The following MYT1L variants were observed in gnomAD, a reference collection of about 807,000 sequenced individuals.
The protein encoded by MYT1L is myelin transcription factor 1 like, also known as myelin transcription factor 1-like protein.
MYT1L carries 12 observed loss-of-function variants against 126.7 expected under a neutral mutation model. The ratio of observed to expected loss-of-function variants is 0.09; its 90% CI spans 0.06 to 0.15. The LOEUF is 0.15. Among genes scored for constraint, MYT1L ranks in the 10% least tolerant of loss-of-function variants. The probability of loss-of-function intolerance (pLI) is 1.00; values close to 1 mark genes in which losing one functional copy is unlikely to be tolerated. For missense variants in MYT1L, 979 were observed against 1,585.2 expected (o/e 0.62, Z 6.49); for synonymous variants, 541 against 604.2 (o/e 0.90, Z 1.53).
chr2:2,137,039 C>A (rs1471189966), intron 3 of MYT1L, among the ~76,000 whole-genome samples: 3 of 151,986 alleles, frequency 2.0e-5, no homozygotes, highest in Admixed American at 6.6e-5. Context: ...TTCTTATACA[C>A]CAATAACAGA....
Position 1,923,047 on chromosome 2 carries a change from T to C in MYT1L, c.722A>G (p.Glu241Gly), listed in dbSNP as rs1302372013. The change falls in exon 10 of 25, where the codon GAA becomes GGA. Residue 241 changes from glutamate (E) to glycine (G), a missense_variant. Coordinates refer to ENST00000647738, the MANE Select transcript of MYT1L (RefSeq NM_001303052.2). The part of the protein sequence containing the change: ...NSLEDDSDKN[E>G]NLGRKSELSL... ...CAACTCACTTTTCCGACCCAGGTTT[T>C]CGTTTTTGTCACTATCGTCTTCCAG... 6.2e-7 allele frequency: 1 copy of C among 1,614,028 alleles called. No homozygotes were observed. Among genetic ancestry groups the C allele is most frequent in the East Asian group, 2.2e-5 (1 of 44,870 alleles).
intron 14 of MYT1L, among the ~76,000 whole-genome samples, chr2:1,896,404 C>T (rs1441384757): frequency 6.6e-6 from 1 of 152,176 alleles, no homozygotes; most frequent in African/African-American, 2.4e-5. Flanking sequence ...TCACCATGCT[C>T]TTCACAATAG....
At chr2:1,888,191 C>T (rs1239737715) in intron 16 of MYT1L, among the ~76,000 whole-genome samples, 1 of 152,042 alleles carries the variant, frequency 6.6e-6, no homozygotes, top group Non-Finnish European at 1.5e-5. Context: ...AGTGTAGATA[C>T]ATGGGAAGGT....
In MYT1L at chr2:1,840,805, C is replaced by G; in HGVS notation, c.2813G>C (p.Arg938Thr). ...TTTATCTTCTTTGCTCTGTGCTATCCTGATACCACTTTTCTTTGCTCTTGG... is the reference window on the plus strand; with the variant it reads ...TTTATCTTCTTTGCTCTGTGCTATCGTGATACCACTTTTCTTTGCTCTTGG... ...GCPRAKKSGI[R>T]IAQSKEDKED... Residue 938 changes from arginine (R) to threonine (T), a missense_variant, in exon 20 of 25, where the codon AGG becomes ACG. Transcript: ENST00000647738. The G allele has an allele frequency of 6.4e-7, 1 of 1,551,102 alleles. No individual in the cohort carries two copies. Among genetic ancestry groups the G allele is most frequent in the Non-Finnish European group, 8.7e-7 (1 of 1,146,978 alleles).
intron 21 of MYT1L, among the ~76,000 whole-genome samples, chr2:1,834,511 G>A (rs1178545893): frequency 1.3e-5 from 2 of 152,172 alleles, no homozygotes; most frequent in Non-Finnish European, 2.9e-5. Flanking sequence ...AGTCTCAAAA[G>A]GGAAGGAAGC....
rs924365499 is a variant in MYT1L at position 1,793,803 on chromosome 2, G to C, written c.3277-1339C>G. ...GACCTTCTCATTCGTGTTCTTTGGG[G>C]TTATTTATCAAATTAATGTTCCCCT... On this transcript the variant is annotated intron_variant, in intron 23 of 24. Transcript: ENST00000647738. The surrounding 1 kb of genome is among the most constrained non-coding windows in gnomAD (Gnocchi z 4.6). Among the ~76,000 whole-genome samples, 3 of 152,124 alleles carry C rather than the reference G, an allele frequency of 2.0e-5. No individual in the cohort carries two copies. Among genetic ancestry groups the C allele is most frequent in the African/African-American group, 4.8e-5 (2 of 41,420 alleles).
intron 3 of MYT1L, among the ~76,000 whole-genome samples, chr2:2,086,998 A>G (rs2076420991): frequency 6.6e-6 from 1 of 152,116 alleles, no homozygotes; most frequent in African/African-American, 2.4e-5. Context: ...GTCTTAGGAG[A>G]AAATATCCCT....
At chr2:2,138,655 G>A (rs1216028433) in intron 3 of MYT1L, among the ~76,000 whole-genome samples, 2 of 130,734 alleles carry the variant, frequency 1.5e-5, no homozygotes, top group Non-Finnish European at 3.2e-5. Flanking sequence ...GAGAACACAT[G>A]GACACAGGAA....
At chr2:2,124,065 G>A (rs1329090231) in intron 3 of MYT1L, among the ~76,000 whole-genome samples, 3 of 152,142 alleles carry the variant, frequency 2.0e-5, no homozygotes, top group East Asian at 1.9e-4. Flanking sequence ...CAATGTTACC[G>A]CAGATGTAGG....
At chr2:2,075,372 C>A (rs1320669577) in intron 3 of MYT1L, among the ~76,000 whole-genome samples, 1 of 152,206 alleles carries the variant, frequency 6.6e-6, no homozygotes, top group Non-Finnish European at 1.5e-5. Flanking sequence ...CTGACACCCT[C>A]ACCATGTGCA....
intron 1 of MYT1L, among the ~76,000 whole-genome samples, chr2:2,295,811 G>GACAGAC (rs2095683808): frequency 6.7e-6 from 1 of 150,086 alleles, no homozygotes; most frequent in African/African-American, 2.5e-5. Context: ...GAGAGAGAGA[G>GACAGAC]AGACAGAGGA....
intron 3 of MYT1L, among the ~76,000 whole-genome samples, chr2:2,057,134 G>A (rs2069684393): frequency 6.6e-6 from 1 of 152,116 alleles, no homozygotes; most frequent in South Asian, 2.1e-4. Flanking sequence ...ATGTGCATGC[G>A]ATTTTAGCAC....
intron 18 of MYT1L, among the ~76,000 whole-genome samples, chr2:1,851,943 G>A (rs1003581858): frequency 6.6e-6 from 1 of 152,030 alleles, no homozygotes; most frequent in African/African-American, 2.4e-5. Context: ...AGCAGATGCC[G>A]CACTTTTGGT....
rs1397107867 is a variant in MYT1L at position 1,892,215 on chromosome 2, TTGC to T, written c.2102_2104del (p.Ser701del). The stretch of plus-strand genomic sequence containing the variant: ...GCTGCTGCCCCCGCCGCAGCTCAGG[TTGC>T]TGCTGCTGCTGGGCGCGTAGCTGCT... On this transcript the variant is annotated inframe_deletion, in exon 15 of 25. Transcript: ENST00000647738. 3.9e-6 allele frequency: 6 copies of T among 1,549,772 alleles called. No individual in the cohort carries two copies. Among genetic ancestry groups the T allele is most frequent in the Middle Eastern group, 1.7e-4 (1 of 5,848 alleles).
intron 21 of MYT1L, among the ~76,000 whole-genome samples, chr2:1,810,779 T>C (rs2036492411): frequency 6.6e-6 from 1 of 152,226 alleles, no homozygotes; most frequent in Non-Finnish European, 1.5e-5. Flanking sequence ...GGAAATCCTA[T>C]CTTTGTATAA....
intron 4 of MYT1L, among the ~76,000 whole-genome samples, chr2:2,043,725 C>T (rs1355475902): frequency 1.3e-5 from 2 of 152,112 alleles, no homozygotes; most frequent in Non-Finnish European, 2.9e-5. Flanking sequence ...CCAGTGCTGC[C>T]CACATCAGGA....
intron 3 of MYT1L, among the ~76,000 whole-genome samples, chr2:2,139,444 A>G (rs559467305): frequency 1.3e-5 from 2 of 151,352 alleles, no homozygotes; most frequent in African/African-American, 4.9e-5. Flanking sequence ...ACATGATGAA[A>G]CCCTGTTTCT....
rs533431071 is a variant in MYT1L, at chr2:1,910,254, C to T, written c.1803G>A (p.Ser601=). Residue 601 remains serine (S), a synonymous_variant, in exon 13 of 25, where the codon TCG becomes TCA. Coordinates refer to ENST00000647738, the MANE Select transcript of MYT1L (RefSeq NM_001303052.2). This position sits in a 1 kb window ranked among gnomAD's most constrained non-coding sequence, Gnocchi z 4.8. The stretch of plus-strand genomic sequence containing the variant: ...CTGCTGGGTACCTGAGCACGCGGTC[C>T]GAGGCCTGGCTGGACTTGGACACGT... The part of the protein sequence containing the change: ...SCDVSKSSQA[S]DRVLRPMCFV... 1.5e-5 allele frequency: 25 copies of T among 1,613,102 alleles called. No homozygotes were observed. The highest frequency in any genetic ancestry group is 8.8e-5 in the South Asian group (8 of 91,064).
intron 18 of MYT1L, among the ~76,000 whole-genome samples, chr2:1,856,740 GC>G (rs891146999): frequency 1.3e-4 from 20 of 152,338 alleles, no homozygotes; most frequent in African/African-American, 4.6e-4. Context: ...GTTCTACTAA[GC>G]AAGGCATTGA....
Sources: gnomAD v4.1 joint callset for allele counts (sites outside exome capture counted in the v4.1 genomes callset) on GRCh38, gnomAD v4.1.1 for gene constraint, Gnocchi (gnomAD v3.1) non-coding constraint, MANE v1.5 for transcripts, NCBI Gene and HGNC (gene_info 2026-07-23, HGNC 2026-07-21) for gene names.